Variants in ADAMTS12 observed in about 807,000 individuals in gnomAD.
The protein encoded by ADAMTS12 is A disintegrin and metalloproteinase with thrombospondin motifs 12.
Under a neutral mutation model 167.8 loss-of-function variants are expected in ADAMTS12, and 118 were observed. That is an observed-to-expected ratio of 0.70 (90% CI 0.61 to 0.82). The LOEUF (loss-of-function observed/expected upper bound fraction) is 0.82. Among genes scored for constraint, ADAMTS12 ranks in the 40% least tolerant of loss-of-function variants. The pLI, the probability that ADAMTS12 is intolerant of heterozygous loss-of-function variation, is 0.00. For synonymous variants in ADAMTS12, 704 were observed against 716.9 expected (o/e 0.98, Z 0.29); for missense variants, 1,916 against 1,998.8 (o/e 0.96, Z 0.79).
At chr5:33,572,548 AG>A (rs1362166889) in intron 19 of ADAMTS12, among the ~76,000 whole-genome samples, 4 of 143,604 alleles carry the variant, frequency 2.8e-5, no homozygotes, top group South Asian at 2.3e-4. Flanking sequence ...AAATTCAACA[AG>A]CCTTCATGCT....
At chr5:33,762,607 T>C (rs1315982895) in intron 2 of ADAMTS12, among the ~76,000 whole-genome samples, 1 of 151,908 alleles carries the variant, frequency 6.6e-6, no homozygotes, top group African/African-American at 2.4e-5. Flanking sequence ...GACCTGGAGA[T>C]GACAAGGCCA....
intron 6 of ADAMTS12, among the ~76,000 whole-genome samples, chr5:33,660,990 C>T (rs930542664): frequency 2.6e-5 from 4 of 152,108 alleles, no homozygotes; most frequent in African/African-American, 9.7e-5. Flanking sequence ...ATCACAGGGA[C>T]AGATCACAGG....
chr5:33,535,311 C>T (rs569482966), intron 22 of ADAMTS12, among the ~76,000 whole-genome samples: 152 of 152,302 alleles, frequency 1.0e-3, no homozygotes, highest in Admixed American at 3.4e-3. Context: ...CAGGAACCTA[C>T]GTTGGTGCCG....
intron 10 of ADAMTS12, among the ~76,000 whole-genome samples, chr5:33,642,595 C>T (rs1001055573): frequency 3.3e-5 from 5 of 152,186 alleles, no homozygotes; most frequent in African/African-American, 9.7e-5. Context: ...ACTCTCTCCC[C>T]TCTTCAAGGC....
intron 2 of ADAMTS12, among the ~76,000 whole-genome samples, chr5:33,827,488 C>T (rs1293056845): frequency 6.6e-6 from 1 of 152,018 alleles, no homozygotes; most frequent in Non-Finnish European, 1.5e-5. Context: ...GATTTCTGGC[C>T]TACGGAATTG....
At chr5:33,703,183 T>C (rs1042596241) in intron 3 of ADAMTS12, among the ~76,000 whole-genome samples, 4 of 152,240 alleles carry the variant, frequency 2.6e-5, no homozygotes, top group African/African-American at 9.6e-5. Context: ...GTCTTTCTAA[T>C]ACAATACCAG....
At chr5:33,797,686 G>A (rs541668467) in intron 2 of ADAMTS12, among the ~76,000 whole-genome samples, 32 of 152,128 alleles carry the variant, frequency 2.1e-4, no homozygotes, top group Non-Finnish European at 3.1e-4. Flanking sequence ...TTGGGTTGTC[G>A]TAAGGATTAA....
At chr5:33,840,764 G>A (rs1275915315) in intron 2 of ADAMTS12, among the ~76,000 whole-genome samples, 1 of 152,230 alleles carries the variant, frequency 6.6e-6, no homozygotes, top group Non-Finnish European at 1.5e-5. Flanking sequence ...GCAGGGATAG[G>A]AGGAATCCTC....
At chr5:33,668,315 C>T (rs1412068337) in intron 5 of ADAMTS12, among the ~76,000 whole-genome samples, 1 of 152,062 alleles carries the variant, frequency 6.6e-6, no homozygotes, top group Non-Finnish European at 1.5e-5. Flanking sequence ...TATATGGGCA[C>T]TCGAAGTATC....
At chr5:33,816,684 C>A (rs527306770) in intron 2 of ADAMTS12, among the ~76,000 whole-genome samples, 11 of 152,192 alleles carry the variant, frequency 7.2e-5, no homozygotes, top group African/African-American at 2.7e-4. Flanking sequence ...TGGGAGAAAG[C>A]CAATGAGAAT....
In ADAMTS12 at chr5:33,560,882, A is replaced by C. The variant is rs534510589; in HGVS notation, c.4125+145T>G. The C allele has an allele frequency of 1.0e-4, 115 of 1,102,432 alleles. No homozygotes were observed. The South Asian group carries it at 1.5e-3, about 14-fold the overall frequency. 68.3% of individuals were successfully genotyped at this position (1,102,432 alleles called of 1,614,324 possible). On this transcript the variant is annotated intron_variant, in intron 20 of 23. Coordinates refer to ENST00000504830, the MANE Select transcript of ADAMTS12 (RefSeq NM_030955.4). ...CATGTATACATATGTAACAAACCTG[A>C]ACGTTGTGCACATGTACCCTAGAAC...
Position 33,881,351 on chromosome 5 carries a change from C to T in ADAMTS12, c.257G>A (p.Gly86Asp), listed in dbSNP as rs774532690. ...TSSRRKRDLD[G>D]SEDWVYYRIS... Reference sequence around the variant, plus strand: ...TCTGTAGTACACCCAGTCCTCTGAGCCATCCAAATCTCTCTTCCTCCTGCT... The same window carrying T: ...TCTGTAGTACACCCAGTCCTCTGAGTCATCCAAATCTCTCTTCCTCCTGCT... Residue 86 changes from glycine (G) to aspartate (D), a missense_variant, in exon 2 of 24, where the codon GGC (glycine) becomes GAC (aspartate). Transcript: ENST00000504830. The T allele has an allele frequency of 2.5e-6, 4 of 1,614,228 alleles. No homozygotes were observed. The highest frequency in any genetic ancestry group is 3.4e-6 in the Non-Finnish European group (4 of 1,180,038).
At chr5:33,621,440 G>A (rs137978610) in intron 14 of ADAMTS12, among the ~76,000 whole-genome samples, 68 of 151,476 alleles carry the variant, frequency 4.5e-4, no homozygotes, top group South Asian at 4.4e-3. Flanking sequence ...GATGTTTGAG[G>A]ATGCGGCAAA....
At chr5:33,765,986 CTTCGG>C (rs373970955) in intron 2 of ADAMTS12, among the ~76,000 whole-genome samples, 10 of 152,232 alleles carry the variant, frequency 6.6e-5, no homozygotes, top group African/African-American at 2.2e-4. Flanking sequence ...TCAGGTAAAT[CTTCGG>C]TTGTTCTGCC....
intron 3 of ADAMTS12, among the ~76,000 whole-genome samples, chr5:33,724,701 G>C (rs1395667672): frequency 1.3e-5 from 2 of 151,956 alleles, no homozygotes; most frequent in Non-Finnish European, 2.9e-5. Flanking sequence ...ACAGGCGCCC[G>C]CCACCGTGCC....
rs147782317 is a variant in ADAMTS12 at position 33,666,666 on chromosome 5, T to C, written c.916-4626A>G. Reference sequence around the variant, plus strand: ...CACCACCATGACCAGCTAATTTTTGTATACTTAGTAGACACAGTGTTTCAC... The same window carrying C: ...CACCACCATGACCAGCTAATTTTTGCATACTTAGTAGACACAGTGTTTCAC... On this transcript the variant is annotated intron_variant, in intron 5 of 23. Coordinates refer to ENST00000504830, the MANE Select transcript of ADAMTS12 (RefSeq NM_030955.4). Among the ~76,000 whole-genome samples, 1,232 of 152,200 alleles carry C rather than the reference T, an allele frequency of 8.1e-3. 21 individuals carry two copies. The highest frequency in any genetic ancestry group is 0.028 in the African/African-American group (1,171 of 41,520).
At chr5:33,812,529 C>G (rs1015316311) in intron 2 of ADAMTS12, among the ~76,000 whole-genome samples, 1 of 152,226 alleles carries the variant, frequency 6.6e-6, no homozygotes, top group African/African-American at 2.4e-5. Context: ...TCTTGGTCAT[C>G]ACCTATCCCA....
At chr5:33,794,636 A>G (rs1369946537) in intron 2 of ADAMTS12, among the ~76,000 whole-genome samples, 1 of 128,638 alleles carries the variant, frequency 7.8e-6, no homozygotes, top group Admixed American at 7.5e-5. Flanking sequence ...CCTACGCTCC[A>G]TTTTCCTTGG....
At chr5:33,653,031 T>A (rs1372780989) in intron 7 of ADAMTS12, among the ~76,000 whole-genome samples, 1 of 152,188 alleles carries the variant, frequency 6.6e-6, no homozygotes, top group Non-Finnish European at 1.5e-5. Flanking sequence ...CTTATCTTAT[T>A]GTACTGGCTG....
Sources: gnomAD v4.1 joint callset for allele counts (sites outside exome capture counted in the v4.1 genomes callset) on GRCh38, gnomAD v4.1.1 for gene constraint, MANE v1.5 for transcripts, NCBI Gene and HGNC (gene_info 2026-07-23, HGNC 2026-07-21) for gene names.